Variants in FAM219A observed in about 807,000 individuals in gnomAD.
The protein encoded by FAM219A is protein FAM219A.
Under a neutral mutation model 23.4 loss-of-function variants are expected in FAM219A, and 7 were observed. The observed-to-expected ratio is 0.30, with a 90% CI of 0.17 to 0.56. The LOEUF is 0.56. Among genes scored for constraint, FAM219A ranks in the 20% least tolerant of loss-of-function variants. The pLI is 0.92. For missense variants in FAM219A, 166 were observed against 246.9 expected (o/e 0.67, Z 2.20); for synonymous variants, 93 against 99.0 (o/e 0.94, Z 0.36).
At chr9:34,401,198 C>T (rs935034554) in intron 5 of FAM219A, 76 bp from the exon 6 acceptor site, 2 of 1,537,696 alleles carry the variant, frequency 1.3e-6, no homozygotes, top group East Asian at 2.3e-5. Flanking sequence ...CACTCCAGGC[C>T]GTCTGCGCCC....
intron 1 of FAM219A, among the ~76,000 whole-genome samples, chr9:34,413,422 G>A (rs17352376): frequency 0.13 from 19,845 of 152,132 alleles, 1,602 homozygotes; most frequent in Non-Finnish European, 0.18. Flanking sequence ...GATGAAAGGC[G>A]CTCTCCGTGG....
At chr9:34,406,178 T>A in intron 1 of FAM219A, 1 of 644,066 alleles carries the variant, frequency 1.6e-6, no homozygotes, top group South Asian at 6.9e-5. Context: ...CTGGGTTCCA[T>A]GTACACCCAA....
chr9:34,434,518 A>T (rs1401142455), intron 1 of FAM219A, among the ~76,000 whole-genome samples: 1 of 152,152 alleles, frequency 6.6e-6, no homozygotes, highest in East Asian at 1.9e-4. Flanking sequence ...ACTCCCCTGA[A>T]GTCCCATATC....
chr9:34,404,709 AAAC>A (rs3036359), intron 2 of FAM219A, among the ~76,000 whole-genome samples: 45,121 of 150,860 alleles, frequency 0.3, 6,793 homozygotes, highest in Admixed American at 0.33. Context: ...CTCTGTCTCA[AAAC>A]AACAACAACA....
intron 1 of FAM219A, among the ~76,000 whole-genome samples, chr9:34,451,480 G>T (rs1823558000): frequency 6.6e-6 from 1 of 152,066 alleles, no homozygotes; most frequent in South Asian, 2.1e-4. Flanking sequence ...AGTTCTCCCA[G>T]GTCTCTAGGA....
At chr9:34,430,802 A>T (rs1428113588) in intron 1 of FAM219A, among the ~76,000 whole-genome samples, 1 of 151,762 alleles carries the variant, frequency 6.6e-6, no homozygotes, top group East Asian at 1.9e-4. Flanking sequence ...TGATCATGCC[A>T]TTACACTCCA....
intron 4 of FAM219A, 90 bp from the exon 5 acceptor site, chr9:34,401,810 T>C: frequency 7.4e-7 from 1 of 1,351,860 alleles, no homozygotes; most frequent in Non-Finnish European, 1.0e-6. Context: ...CAGCATCCTA[T>C]ACCTCCCTTA....
chr9:34,433,931 G>A lies in FAM219A; in HGVS notation c.60+24273C>T, dbSNP rs150930040. ...GAATGAAGTGGCCTCGGCCGGGCGC[G>A]GTGGCTCATGCCTGTAATCCCAGCA... On this transcript the variant is annotated intron_variant, in intron 1 of 5. Coordinates refer to ENST00000651358, the MANE Select transcript of FAM219A (RefSeq NM_001184940.2). 1.3e-3 allele frequency among the ~76,000 whole-genome samples: 203 copies of A among 151,942 alleles called. 3 individuals carry two copies. In the East Asian group the frequency reaches 0.017, roughly 13 times the overall value.
chr9:34,405,380 A>G (rs957974591), intron 2 of FAM219A, among the ~76,000 whole-genome samples: 1 of 152,176 alleles, frequency 6.6e-6, no homozygotes, highest in African/African-American at 2.4e-5. Context: ...GTTTTCTAAG[A>G]AACGAAGGGA....
At chr9:34,436,220 A>G (rs540199086) in intron 1 of FAM219A, among the ~76,000 whole-genome samples, 2 of 151,826 alleles carry the variant, frequency 1.3e-5, no homozygotes, top group South Asian at 4.1e-4. Context: ...ATGTGTATTT[A>G]TTTATAATTA....
chr9:34,406,626 T>C (rs1457628137), intron 1 of FAM219A, among the ~76,000 whole-genome samples: 1 of 152,174 alleles, frequency 6.6e-6, no homozygotes, highest in East Asian at 1.9e-4. Flanking sequence ...AACCAGCAGG[T>C]GGCCAGTTAG....
intron 1 of FAM219A, among the ~76,000 whole-genome samples, chr9:34,410,723 C>T (rs1821793456): frequency 6.6e-6 from 1 of 152,192 alleles, no homozygotes; most frequent in Admixed American, 6.5e-5. Context: ...AGACAATCTA[C>T]ACAATCCCAT....
intron 2 of FAM219A, 34 bp from the exon 3 acceptor site, chr9:34,402,841 G>T (rs764513592): frequency 6.3e-7 from 1 of 1,592,998 alleles, no homozygotes; most frequent in Non-Finnish European, 8.6e-7. Flanking sequence ...GCTGTGTCCT[G>T]CCCCTGAGGC....
chr9:34,421,752 C>T (rs1822293674), intron 1 of FAM219A, among the ~76,000 whole-genome samples: 1 of 151,900 alleles, frequency 6.6e-6, no homozygotes, highest in Admixed American at 6.6e-5. Flanking sequence ...CACACCTGCA[C>T]TGTCTCAACC....
At chr9:34,434,698 T>C (rs1031560299) in intron 1 of FAM219A, among the ~76,000 whole-genome samples, 1 of 152,252 alleles carries the variant, frequency 6.6e-6, no homozygotes, top group Admixed American at 6.5e-5. Flanking sequence ...CCTTGGGGAA[T>C]GTGAGAGTAA....
rs539262420 is a variant in FAM219A, at chr9:34,402,293, A to G, written c.344+94T>C. 15 of 1,613,952 alleles carry G rather than the reference A, an allele frequency of 9.3e-6. No individual in the cohort carries two copies. In the South Asian group the frequency reaches 1.2e-4, roughly 13 times the overall value. On this transcript the variant is annotated intron_variant, in intron 4 of 5. Coordinates refer to ENST00000651358, the MANE Select transcript of FAM219A (RefSeq NM_001184940.2). ...GAGATTCTGGCTGAAGAATATCCCA[A>G]TTCTGACAATATAGCAGGTGTGGCC...
At chr9:34,450,826 G>A (rs953963784) in intron 1 of FAM219A, among the ~76,000 whole-genome samples, 1 of 152,168 alleles carries the variant, frequency 6.6e-6, no homozygotes, top group African/African-American at 2.4e-5. Flanking sequence ...ACCAGGCAAG[G>A]AGCCACAGTC....
At chr9:34,449,609 G>A (rs1271133896) in intron 1 of FAM219A, among the ~76,000 whole-genome samples, 17 of 152,152 alleles carry the variant, frequency 1.1e-4, no homozygotes, top group Admixed American at 3.9e-4. Flanking sequence ...AAAAGAACTA[G>A]GAAGACTATA....
Position 34,398,780 on chromosome 9 carries a change from A to T in FAM219A, c.*2184T>A. ...TGGGAGGGCTGGCTCTGGGGTCCAG[A>T]TGATGGGGGCACAGGGGTTGGGGGG... is the stretch of plus-strand genomic sequence containing the variant. On this transcript the variant is annotated 3_prime_UTR_variant, in exon 6 of 6. Coordinates refer to ENST00000651358, the MANE Select transcript of FAM219A (RefSeq NM_001184940.2). 1 of 172,154 alleles carries T rather than the reference A, an allele frequency of 5.8e-6. No homozygotes were observed. 10.7% of individuals were successfully genotyped at this position (172,154 alleles called of 1,614,324 possible).
Sources: gnomAD v4.1 joint callset for allele counts (sites outside exome capture counted in the v4.1 genomes callset) on GRCh38, gnomAD v4.1.1 for gene constraint, MANE v1.5 for transcripts, NCBI Gene and HGNC (gene_info 2026-07-23, HGNC 2026-07-21) for gene names.